TMEM132D: variants seen among roughly 807,000 people sequenced by gnomAD.
TMEM132D encodes the protein mature OL transmembrane protein.
Under a neutral mutation model 62.3 loss-of-function variants are expected in TMEM132D, and 21 were observed. The ratio of observed to expected loss-of-function variants is 0.34; its 90% CI spans 0.24 to 0.49. The LOEUF is 0.49. Ranked by LOEUF, TMEM132D falls within the 20% of genes least tolerant of loss-of-function variation. The pLI, the probability that TMEM132D is intolerant of heterozygous loss-of-function variation, is 0.99. For synonymous variants in TMEM132D, 621 were observed against 575.6 expected (o/e 1.08, Z -1.13); for missense variants, 1,346 against 1,402.8 (o/e 0.96, Z 0.65).
intron 2 of TMEM132D, among the ~76,000 whole-genome samples, chr12:129,618,802 G>C (rs1878987606): frequency 6.6e-6 from 1 of 152,186 alleles, no homozygotes; most frequent in African/African-American, 2.4e-5. Flanking sequence ...AGGAGGTCCT[G>C]ACATGTGCCC....
rs568928303 is a variant in TMEM132D, at chr12:129,858,967, G to A, written c.79+44294C>T. 7.4e-4 allele frequency among the ~76,000 whole-genome samples: 94 copies of A among 126,948 alleles called. 5 individuals carry two copies. Among genetic ancestry groups the A allele is most frequent in the Middle Eastern group, 4.7e-3 (1 of 212 alleles). 83.3% of individuals were successfully genotyped at this position (126,948 alleles called of 152,430 possible). A position where few individuals can be genotyped will look rare whatever the true frequency, so the allele number is the denominator to read the frequency against. ...ACGGGATGGGTGCCCTTGGAGTCCG[G>A]GGGAACGGGATGGGTGCCCTTGGAG... On this transcript the variant is annotated intron_variant, in intron 1 of 8. Transcript: ENST00000422113.
intron 2 of TMEM132D, among the ~76,000 whole-genome samples, chr12:129,642,579 C>G (rs1040851143): frequency 2.0e-5 from 3 of 152,196 alleles, no homozygotes; most frequent in East Asian, 3.9e-4. Flanking sequence ...ATTGATTTCT[C>G]TCTATTTGGC....
At chr12:129,706,137 TATG>T (rs1232125542) in intron 1 of TMEM132D, among the ~76,000 whole-genome samples, 3 of 152,022 alleles carry the variant, frequency 2.0e-5, no homozygotes, top group Non-Finnish European at 4.4e-5. Context: ...ATTTATGAGT[TATG>T]ATATTATATA....
At chr12:129,673,164 C>G (rs1375749917) in intron 2 of TMEM132D, among the ~76,000 whole-genome samples, 1 of 149,912 alleles carries the variant, frequency 6.7e-6, no homozygotes, top group Non-Finnish European at 1.5e-5. Context: ...GAGAACCATT[C>G]CTCCTCTGCT....
intron 2 of TMEM132D, among the ~76,000 whole-genome samples, chr12:129,553,364 G>C (rs1427555510): frequency 2.0e-5 from 3 of 152,152 alleles, no homozygotes; most frequent in African/African-American, 7.2e-5. Context: ...GTGCGTGTCT[G>C]TGCACTGACA....
At chr12:129,712,147 TG>T (rs1868392092) in intron 1 of TMEM132D, among the ~76,000 whole-genome samples, 1 of 152,104 alleles carries the variant, frequency 6.6e-6, no homozygotes, top group Non-Finnish European at 1.5e-5. Context: ...TTTTTTGAGA[TG>T]GAGTCTCACT....
At chr12:129,667,400 G>C (rs150304569) in intron 2 of TMEM132D, among the ~76,000 whole-genome samples, 33 of 152,204 alleles carry the variant, frequency 2.2e-4, no homozygotes, top group African/African-American at 7.9e-4. Flanking sequence ...GGAACAAAAG[G>C]GAAGAGAGAG....
At chr12:129,591,298 T>C (rs1878183115) in intron 2 of TMEM132D, among the ~76,000 whole-genome samples, 1 of 152,166 alleles carries the variant, frequency 6.6e-6, no homozygotes, top group Admixed American at 6.5e-5. Context: ...ATGCATCCCT[T>C]GTATCGGAGG....
chr12:129,827,409 C>T lies in TMEM132D; in HGVS notation c.79+75852G>A, dbSNP rs1354932185. 6.6e-6 allele frequency among the ~76,000 whole-genome samples: 1 copy of T among 152,132 alleles called. No homozygotes were observed. Among genetic ancestry groups the T allele is most frequent in the South Asian group, 2.1e-4 (1 of 4,822 alleles). The stretch of plus-strand genomic sequence containing the variant: ...GGCTAAAAACTGTAAGCAGCTGAAC[C>T]AAAACAGGCTTTCTTCTCCCTTCCA... On this transcript the variant is annotated intron_variant, in intron 1 of 8. Transcript: ENST00000422113. The surrounding 1 kb of genome is among the most constrained non-coding windows in gnomAD (Gnocchi z 9.7).
intron 5 of TMEM132D, among the ~76,000 whole-genome samples, chr12:129,116,238 G>A (rs1875886003): frequency 6.6e-6 from 1 of 152,182 alleles, no homozygotes; most frequent in Non-Finnish European, 1.5e-5. Context: ...AGACCTGAGG[G>A]AACATGGTGA....
At chr12:129,469,954 T>C (rs1041281165) in intron 3 of TMEM132D, among the ~76,000 whole-genome samples, 1 of 152,208 alleles carries the variant, frequency 6.6e-6, no homozygotes, top group Non-Finnish European at 1.5e-5. Context: ...CCTTCAAGCC[T>C]TTGTAAGATA....
intron 5 of TMEM132D, among the ~76,000 whole-genome samples, chr12:129,201,164 G>C (rs1055329781): frequency 1.3e-5 from 2 of 152,190 alleles, no homozygotes; most frequent in African/African-American, 4.8e-5. Flanking sequence ...GGTGGATACT[G>C]GTTTATTCAG....
intron 3 of TMEM132D, among the ~76,000 whole-genome samples, chr12:129,529,060 C>T (rs929217021): frequency 6.6e-6 from 1 of 152,138 alleles, no homozygotes; most frequent in Non-Finnish European, 1.5e-5. Flanking sequence ...ACACATATAA[C>T]ATATTGTGTG....
intron 5 of TMEM132D, among the ~76,000 whole-genome samples, chr12:129,196,782 T>G (rs1473811557): frequency 3.3e-5 from 5 of 152,176 alleles, no homozygotes; most frequent in African/African-American, 1.2e-4. Context: ...TCTAAACAAT[T>G]CATTATGACA....
intron 3 of TMEM132D, among the ~76,000 whole-genome samples, chr12:129,511,325 A>AT (rs199900235): frequency 6.6e-5 from 10 of 151,960 alleles, no homozygotes; most frequent in African/African-American, 1.7e-4. Flanking sequence ...GTCAGCCCCA[A>AT]TTTTTTTTGC....
rs556311309 is a variant in TMEM132D at position 129,333,522 on chromosome 12, C to T, written c.1299+4112G>A. Among the ~76,000 whole-genome samples the T allele has an allele frequency of 9.2e-5, 14 of 152,278 alleles. No individual in the cohort carries two copies. The South Asian group carries it at 2.9e-3, about 32-fold the overall frequency. ...GATGCATCTTTTATTCCTGTGTTTT[C>T]TTCACACCTATATCCAATGCATTGG... is the stretch of plus-strand genomic sequence containing the variant. On this transcript the variant is annotated intron_variant, in intron 4 of 8. Transcript: ENST00000422113.
chr12:129,205,918 C>A (rs1037471475), intron 5 of TMEM132D, among the ~76,000 whole-genome samples: 5 of 152,010 alleles, frequency 3.3e-5, no homozygotes, highest in African/African-American at 9.7e-5. Flanking sequence ...TCCTGAATGA[C>A]CTACCCCTTC....
chr12:129,485,614 G>A (rs1033407521), intron 3 of TMEM132D, among the ~76,000 whole-genome samples: 4 of 152,178 alleles, frequency 2.6e-5, no homozygotes, highest in African/African-American at 9.7e-5. Context: ...AGGAACAAAC[G>A]CAAGACCAGG....
chr12:129,719,138 T>C (rs1440743001), intron 1 of TMEM132D, among the ~76,000 whole-genome samples: 3 of 150,508 alleles, frequency 2.0e-5, no homozygotes, highest in African/African-American at 7.3e-5. Flanking sequence ...CCTGTACCTG[T>C]AGTCCCAGCT....
Sources: allele counts gnomAD v4.1 joint callset (sites outside exome capture counted in the v4.1 genomes callset), GRCh38; gene constraint gnomAD v4.1.1; non-coding constraint Gnocchi (gnomAD v3.1); transcripts MANE v1.5; gene names NCBI Gene and HGNC (gene_info 2026-07-23, HGNC 2026-07-21).